SBNO1: variants seen among roughly 807,000 people sequenced by gnomAD.
The protein encoded by SBNO1 is protein strawberry notch homolog 1.
Under a neutral mutation model 173.6 loss-of-function variants are expected in SBNO1, and 23 were observed. The ratio of observed to expected loss-of-function variants is 0.13; its 90% CI spans 0.10 to 0.19. SBNO1 has a LOEUF of 0.19. Among genes scored for constraint, SBNO1 ranks in the 10% least tolerant of loss-of-function variants. SBNO1 has a pLI of 1.00. For missense variants in SBNO1, 1,238 were observed against 1,671.2 expected, an observed-to-expected ratio of 0.74 and a Z score of 4.52; for synonymous variants, 632 against 571.5, an observed-to-expected ratio of 1.11 and a Z score of -1.51.
chr12:123,309,789 T>C lies in SBNO1; in HGVS notation c.3363A>G (p.Leu1121=). The C allele has an allele frequency of 6.2e-7, 1 of 1,612,962 alleles. No homozygotes were observed. The highest frequency in any genetic ancestry group is 8.5e-7 in the Non-Finnish European group (1 of 1,179,368). The change falls in exon 26 of 32, where the codon TTA becomes TTG. Residue 1121 remains leucine, a synonymous_variant. Transcript: ENST00000602398. The part of the protein sequence containing the change: ...LGMEVHQQNA[L]FQYFADTLTA... Reference sequence around the variant, plus strand: ...TAAGTGTGTCCGCAAAATACTGAAATAACGCATTCTGCTGATGCACCTCCA... The same window carrying C: ...TAAGTGTGTCCGCAAAATACTGAAACAACGCATTCTGCTGATGCACCTCCA...
chr12:123,289,857 T>C lies in SBNO1; in HGVS notation c.*6051A>G, dbSNP rs2048485612. 6.6e-6 allele frequency: 1 copy of C among 152,266 alleles called. No individual in the cohort carries two copies. Among genetic ancestry groups the C allele is most frequent in the Non-Finnish European group, 1.5e-5 (1 of 68,062 alleles). The allele number at this position is 152,266 out of a possible 1,614,324, so 9.4% of individuals were successfully genotyped here. Reference sequence around the variant, plus strand: ...GCTCAAGCTTCTTTATCCTCTTCAGTGCCATAAATACTGTCACAGCAAAAA... The same window carrying C: ...GCTCAAGCTTCTTTATCCTCTTCAGCGCCATAAATACTGTCACAGCAAAAA... On this transcript the variant is annotated 3_prime_UTR_variant, in exon 32 of 32. Coordinates refer to ENST00000602398, the MANE Select transcript of SBNO1 (RefSeq NM_001167856.3).
chr12:123,303,342 G>A (rs1329090723), intron 29 of SBNO1, among the ~76,000 whole-genome samples: 1 of 152,062 alleles, frequency 6.6e-6, no homozygotes, highest in Non-Finnish European at 1.5e-5. Context: ...GAAGAGATAA[G>A]CTGTTTCAAA....
intron 3 of SBNO1, among the ~76,000 whole-genome samples, chr12:123,345,913 T>G (rs1873076757): frequency 6.6e-6 from 1 of 152,172 alleles, no homozygotes; most frequent in Non-Finnish European, 1.5e-5. Context: ...TTCTCCCACC[T>G]CAGCCTCCCA....
At chr12:123,311,720 C>CTATCTATCTA (rs1224940028) in intron 24 of SBNO1, among the ~76,000 whole-genome samples, 1,347 of 127,306 alleles carry the variant, frequency 0.011, 6 homozygotes, top group African/African-American at 0.021. Context: ...ATCTATCTAT[C>CTATCTATCTA]TATATATATA....
At chr12:123,307,257 T>C (rs1210213020) in intron 28 of SBNO1, among the ~76,000 whole-genome samples, 1 of 152,002 alleles carries the variant, frequency 6.6e-6, no homozygotes, top group African/African-American at 2.4e-5. Flanking sequence ...TTTGAGAGCT[T>C]TTCTCTAGGT....
At chr12:123,352,159 TACAA>T (rs1366459822) in intron 1 of SBNO1, among the ~76,000 whole-genome samples, 21 of 152,220 alleles carry the variant, frequency 1.4e-4, no homozygotes, top group Admixed American at 1.3e-3. Flanking sequence ...AATTTACATA[TACAA>T]ACATACTTAT....
rs2048576465 is a variant in SBNO1 at position 123,295,355 on chromosome 12, GAAC to G, written c.*550_*552del. On this transcript the variant is annotated 3_prime_UTR_variant, in exon 32 of 32. Coordinates refer to ENST00000602398, the MANE Select transcript of SBNO1 (RefSeq NM_001167856.3). ...ATGCTTCCAAAGACATGCACTGTCA[GAAC>G]AAAAATTAGAAAATAACCTGAATGC... 1.3e-5 allele frequency: 2 copies of G among 152,114 alleles called. No homozygotes were observed. Among genetic ancestry groups the G allele is most frequent in the Non-Finnish European group, 2.9e-5 (2 of 68,038 alleles). The allele number at this position is 152,114 out of a possible 1,614,324, so 9.4% of individuals were successfully genotyped here. A position where few individuals can be genotyped will look rare whatever the true frequency, so the allele number is the denominator to read the frequency against.
intron 7 of SBNO1, among the ~76,000 whole-genome samples, chr12:123,331,942 T>C (rs1285021804): frequency 1.3e-5 from 2 of 152,028 alleles, no homozygotes; most frequent in African/African-American, 4.8e-5. Flanking sequence ...AACCTCTGAA[T>C]TCCTGTTCAA....
chr12:123,315,319 A>G, intron 23 of SBNO1, 54 bp downstream of exon 23: 1 of 1,383,402 alleles, frequency 7.2e-7, no homozygotes, highest in Non-Finnish European at 1.0e-6. Flanking sequence ...TGTGTTCCCG[A>G]AAGACACCAT....
rs1403102233 is a variant in SBNO1, at chr12:123,311,230, A to G, written c.3221-101T>C. The G allele has an allele frequency of 5.0e-6, 4 of 799,410 alleles. No homozygotes were observed. The Admixed American group carries it at 8.5e-5, about 17-fold the overall frequency. The allele number at this position is 799,410 out of a possible 1,614,324, so 49.5% of individuals were successfully genotyped here. On this transcript the variant is annotated intron_variant, in intron 24 of 31. Coordinates refer to ENST00000602398, the MANE Select transcript of SBNO1 (RefSeq NM_001167856.3). ...GTTGTAAGTAGTATCATGCCATTTT[A>G]AAAAAACACCTTGATATTTATATAA...
intron 3 of SBNO1, 109 bp from the exon 4 acceptor site, chr12:123,345,679 T>C (rs1281474164): frequency 3.7e-5 from 35 of 951,540 alleles, no homozygotes; most frequent in Non-Finnish European, 4.9e-5. Context: ...ACTTTTATTA[T>C]TGCTTTTTTT....
intron 24 of SBNO1, among the ~76,000 whole-genome samples, chr12:123,311,849 C>T (rs1161680837): frequency 2.6e-5 from 4 of 151,450 alleles, no homozygotes; most frequent in Non-Finnish European, 2.9e-5. Context: ...GATCCTCCCA[C>T]CTCAGCTTCC....
intron 23 of SBNO1, 74 bp downstream of exon 23, chr12:123,315,299 A>C: frequency 2.6e-6 from 3 of 1,162,102 alleles, no homozygotes; most frequent in Non-Finnish European, 2.6e-6. Context: ...GACAGTAACT[A>C]CTTTCCTTTT....
chr12:123,360,326 G>C (rs1874997604), intron 1 of SBNO1, among the ~76,000 whole-genome samples: 1 of 152,102 alleles, frequency 6.6e-6, no homozygotes, highest in African/African-American at 2.4e-5. Flanking sequence ...TGGAATGTGA[G>C]GTTACTCAGT....
At chr12:123,311,223 C>A (rs1338933601) in intron 24 of SBNO1, 94 bp from the exon 25 acceptor site, 1 of 892,772 alleles carries the variant, frequency 1.1e-6, no homozygotes. Flanking sequence ...TAGTATCATG[C>A]CATTTTAAAA....
chr12:123,328,072 A>G, intron 10 of SBNO1, 45 bp from the exon 11 acceptor site: 1 of 1,450,970 alleles, frequency 6.9e-7, no homozygotes, highest in Non-Finnish European at 9.5e-7. Flanking sequence ...GTATTAAGTA[A>G]GAATCTCCAG....
At chr12:123,352,092 G>C (rs1163869507) in intron 1 of SBNO1, among the ~76,000 whole-genome samples, 1 of 150,974 alleles carries the variant, frequency 6.6e-6, no homozygotes, top group Non-Finnish European at 1.5e-5. Flanking sequence ...CATTTTATAG[G>C]GGGGAAAAAG....
In SBNO1 at chr12:123,348,136, G is replaced by A; in HGVS notation, c.133-3C>T. ...TCTAATGCACTAAGTGGCACTGACTGGAGAGAAAACAACATCAGACAAAAA... is the reference window on the plus strand; with the variant it reads ...TCTAATGCACTAAGTGGCACTGACTAGAGAGAAAACAACATCAGACAAAAA... On this transcript the variant is annotated splice_polypyrimidine_tract_variant and splice_region_variant and intron_variant, in intron 2 of 31. Transcript: ENST00000602398. 1.3e-6 allele frequency: 2 copies of A among 1,553,316 alleles called. No individual in the cohort carries two copies. The highest frequency in any genetic ancestry group is 1.8e-6 in the Non-Finnish European group (2 of 1,137,500).
rs759530664 is a variant in SBNO1, at chr12:123,348,167, AG to A, written c.133-35del. The stretch of plus-strand genomic sequence containing the variant: ...AAAACAACATCAGACAAAAAATAAA[AG>A]GACAGCAGTAAATTCTGTTTCAAGG... On this transcript the variant is annotated intron_variant, in intron 2 of 31. Transcript: ENST00000602398. 2.0e-5 allele frequency: 23 copies of A among 1,132,356 alleles called. No individual in the cohort carries two copies. The South Asian group carries it at 3.0e-4, about 15-fold the overall frequency. 70.1% of individuals were successfully genotyped at this position (1,132,356 alleles called of 1,614,324 possible). A position where few individuals can be genotyped will look rare whatever the true frequency, so the allele number is the denominator to read the frequency against.
Sources: allele counts gnomAD v4.1 joint callset (sites outside exome capture counted in the v4.1 genomes callset), GRCh38; gene constraint gnomAD v4.1.1; transcripts MANE v1.5; gene names NCBI Gene and HGNC (gene_info 2026-07-23, HGNC 2026-07-21).